Variants in LTBP1 observed in about 807,000 individuals in gnomAD.
LTBP1 encodes the protein latent transforming growth factor beta binding protein 1.
Under a neutral mutation model 207.6 loss-of-function variants are expected in LTBP1, and 129 were observed. That is an observed-to-expected ratio of 0.62 (90% CI 0.54 to 0.72). The LOEUF (loss-of-function observed/expected upper bound fraction) is 0.72, where lower values mean the gene tolerates loss of function less well. Ranked by LOEUF, LTBP1 falls within the 30% of genes least tolerant of loss-of-function variation. The pLI is 0.00. For missense variants in LTBP1, 2,281 were observed against 2,217.2 expected (o/e 1.03, Z -0.58); for synonymous variants, 963 against 833.7 (o/e 1.16, Z -2.67).
At chr2:32,986,401 C>T (rs2148796848) in intron 2 of LTBP1, among the ~76,000 whole-genome samples, 1 of 152,228 alleles carries the variant, frequency 6.6e-6, no homozygotes, top group Middle Eastern at 3.4e-3. Flanking sequence ...GATACACAGA[C>T]TGACTTAAAT....
intron 2 of LTBP1, among the ~76,000 whole-genome samples, chr2:32,973,583 G>A (rs374677821): frequency 3.0e-4 from 45 of 152,218 alleles, no homozygotes; most frequent in African/African-American, 8.2e-4. Flanking sequence ...CCTTATCTGC[G>A]TTACAAACAA....
intron 22 of LTBP1, among the ~76,000 whole-genome samples, chr2:33,302,146 C>A (rs2093998761): frequency 6.6e-6 from 1 of 152,204 alleles, no homozygotes; most frequent in African/African-American, 2.4e-5. Flanking sequence ...AAGAAGCTCT[C>A]TGCAGTGGTT....
intron 3 of LTBP1, among the ~76,000 whole-genome samples, chr2:33,100,198 T>C (rs2079638028): frequency 6.6e-6 from 1 of 152,214 alleles, no homozygotes. Flanking sequence ...CTACAGAGAC[T>C]GACAGCTCAT....
intron 24 of LTBP1, among the ~76,000 whole-genome samples, chr2:33,315,773 C>G (rs944858763): frequency 1.3e-5 from 2 of 152,120 alleles, no homozygotes; most frequent in African/African-American, 2.4e-5. Context: ...CTCATCTCTA[C>G]TGAATATACA....
intron 2 of LTBP1, among the ~76,000 whole-genome samples, chr2:32,953,298 C>G (rs1045315720): frequency 5.9e-5 from 9 of 152,242 alleles, no homozygotes; most frequent in Admixed American, 5.2e-4. Flanking sequence ...TCCCCCATCC[C>G]TCTTGGCTTG....
At chr2:33,237,032 G>A (rs74979106) in intron 9 of LTBP1, among the ~76,000 whole-genome samples, 3,025 of 152,272 alleles carry the variant, frequency 0.02, 34 homozygotes, top group Middle Eastern at 0.075. Flanking sequence ...GACAGTTACA[G>A]GGTGGTGGGT....
At chr2:32,975,907 A>C (rs183618273) in intron 2 of LTBP1, among the ~76,000 whole-genome samples, 4 of 152,132 alleles carry the variant, frequency 2.6e-5, no homozygotes, top group Non-Finnish European at 5.9e-5. Context: ...CTGTCATTTC[A>C]GCCATTTCAT....
At chr2:33,214,161 A>G (rs1464909627) in intron 7 of LTBP1, among the ~76,000 whole-genome samples, 8 of 152,210 alleles carry the variant, frequency 5.3e-5, no homozygotes, top group South Asian at 2.1e-4. Context: ...TGTCTTACAT[A>G]AATTTTATAA....
intron 23 of LTBP1, among the ~76,000 whole-genome samples, chr2:33,312,544 A>ACTT (rs140739802): frequency 0.02 from 3,055 of 152,274 alleles, 43 homozygotes; most frequent in Middle Eastern, 0.11. Context: ...AAGAAACCCA[A>ACTT]CTTAAATATA....
At position 33,177,175 on chromosome 2, in the gene LTBP1, A is replaced by G. The variant is rs538335712; in HGVS notation, c.1202-9681A>G. On this transcript the variant is annotated intron_variant, in intron 5 of 33. Coordinates refer to ENST00000404816, the MANE Select transcript of LTBP1 (RefSeq NM_206943.4). ...TGCTCTGTATTCTCCCCATGGTGAG[A>G]CAGTTACATTAGTGTAATCGACTCA... Among the ~76,000 whole-genome samples the G allele has an allele frequency of 7.9e-5, 12 of 152,272 alleles. No homozygotes were observed. The East Asian group carries it at 2.1e-3, about 27-fold the overall frequency.
At chr2:33,065,351 T>G (rs2077458156) in intron 3 of LTBP1, among the ~76,000 whole-genome samples, 1 of 152,136 alleles carries the variant, frequency 6.6e-6, no homozygotes, top group African/African-American at 2.4e-5. Context: ...GCCATTAGTT[T>G]GAGACCATCC....
chr2:33,055,976 C>T (rs1398035168), intron 3 of LTBP1, among the ~76,000 whole-genome samples: 1 of 152,130 alleles, frequency 6.6e-6, no homozygotes, highest in Non-Finnish European at 1.5e-5. Context: ...CTGAGAGGTC[C>T]TCCTGTGGGA....
chr2:33,028,272 A>G (rs550107665), intron 3 of LTBP1, among the ~76,000 whole-genome samples: 79 of 152,324 alleles, frequency 5.2e-4, no homozygotes, highest in Admixed American at 7.8e-4. Context: ...AAATCAGGAT[A>G]ATGTTTTGGT....
intron 11 of LTBP1, among the ~76,000 whole-genome samples, chr2:33,254,430 C>T (rs2092771012): frequency 6.6e-6 from 1 of 151,772 alleles, no homozygotes; most frequent in South Asian, 2.1e-4. Flanking sequence ...CAGGGATACT[C>T]CTCTCTAGTA....
At chr2:33,176,185 TAAAA>T (rs927736560) in intron 5 of LTBP1, among the ~76,000 whole-genome samples, 153 of 151,498 alleles carry the variant, frequency 1.0e-3, no homozygotes, top group African/African-American at 3.5e-3. Context: ...AGAAAATAAA[TAAAA>T]AGAAATAAAA....
chr2:33,145,226 A>G (rs546073791), intron 5 of LTBP1, among the ~76,000 whole-genome samples: 1 of 152,276 alleles, frequency 6.6e-6, no homozygotes, highest in South Asian at 2.1e-4. Context: ...AAAGACTGGC[A>G]TGACTGAGTG....
At chr2:33,240,611 G>A (rs1573373492) in intron 9 of LTBP1, among the ~76,000 whole-genome samples, 1 of 151,756 alleles carries the variant, frequency 6.6e-6, no homozygotes, top group African/African-American at 2.4e-5. Flanking sequence ...GCTGGGAAGG[G>A]GCACAAAGAA....
intron 10 of LTBP1, among the ~76,000 whole-genome samples, chr2:33,249,747 C>T (rs957300007): frequency 6.6e-6 from 1 of 152,066 alleles, no homozygotes; most frequent in Admixed American, 6.5e-5. Context: ...AATCTTTTTG[C>T]CGTAATTTTA....
Position 33,300,573 on chromosome 2 carries a change from G to A in LTBP1, c.3358G>A (p.Asp1120Asn), listed in dbSNP as rs375703081. Residue 1120 changes from aspartate (D) to asparagine (N), a missense_variant and splice_region_variant, in exon 21 of 34, where the codon GAC (aspartate) becomes AAC (asparagine). Asp to Asn is a conservative substitution (Grantham distance 23, BLOSUM62 1). Coordinates refer to ENST00000404816, the MANE Select transcript of LTBP1 (RefSeq NM_206943.4). ...GTCGGCAGCTAAAGACCAGTGTGAA[G>A]GTAAGAGGGTAGTAACATGAACTAC... ...QLSAAKDQCE[D>N]IDECQHRHLC... 1 of 1,612,284 alleles carries A rather than the reference G, an allele frequency of 6.2e-7. No individual in the cohort carries two copies. Among genetic ancestry groups the A allele is most frequent in the African/African-American group, 1.3e-5 (1 of 74,886 alleles).
Sources: allele counts gnomAD v4.1 joint callset (sites outside exome capture counted in the v4.1 genomes callset), GRCh38; gene constraint gnomAD v4.1.1; transcripts MANE v1.5; gene names NCBI Gene and HGNC (gene_info 2026-07-23, HGNC 2026-07-21).